Variants in PUM1 observed in about 807,000 individuals in gnomAD.
PUM1 encodes the protein pumilio homolog 1.
A neutral mutation model predicts 131.8 loss-of-function variants in PUM1; 13 were observed. The observed-to-expected ratio is 0.10, with a 90% CI of 0.06 to 0.16. The LOEUF is 0.16. Ranked by LOEUF, PUM1 falls within the 10% of genes least tolerant of loss-of-function variation. The pLI is 1.00. For synonymous variants in PUM1, 509 were observed against 556.5 expected (o/e 0.91, Z 1.20); for missense variants, 961 against 1,512.4 (o/e 0.64, Z 6.05).
intron 1 of PUM1, among the ~76,000 whole-genome samples, chr1:31,059,850 C>CT (rs879611773): frequency 4.9e-4 from 69 of 141,982 alleles, no homozygotes; most frequent in South Asian, 1.1e-3. Context: ...TGAACAAAAG[C>CT]TTTTTTTTTT....
chr1:31,059,339 C>G lies in PUM1; in HGVS notation c.228G>C (p.Gln76His). 6.2e-7 allele frequency: 1 copy of G among 1,614,170 alleles called. No individual in the cohort carries two copies. Among genetic ancestry groups the G allele is most frequent in the South Asian group, 1.1e-5 (1 of 91,084 alleles). Residue 76 changes from glutamine to histidine, a missense_variant, in exon 2 of 22, where the codon CAG (glutamine) becomes CAC (histidine). This residue lies in a region of PUM1 where 654 missense variants were observed against 923.9 expected (regional missense o/e 0.71). Coordinates refer to ENST00000426105, the MANE Select transcript of PUM1 (RefSeq NM_001020658.2). ...AGAAGTAGTCCACCATAGCGTCGTC[C>G]TGGGAACGGCCTGCAACTCCTATAG... ...PGSIGVAGRS[Q>H]DDAMVDYFFQ... is the part of the protein sequence containing the mutation.
chr1:31,019,303 C>G (rs4642942), intron 3 of PUM1, among the ~76,000 whole-genome samples: 103,048 of 152,180 alleles, frequency 0.68, 36,432 homozygotes, highest in East Asian at 0.87. Context: ...AGTGAGCCAA[C>G]ATAGTGCCGC....
At chr1:30,968,116 C>T (rs776727881) in intron 11 of PUM1, 20 of 685,640 alleles carry the variant, frequency 2.9e-5, no homozygotes, top group Middle Eastern at 5.0e-4. Context: ...GGAAAAACCA[C>T]ATATTCCAAG....
At position 31,005,791 on chromosome 1, in the gene PUM1, A is replaced by AAGAGAGAGAGAGAGAG. The variant is rs57530886; in HGVS notation, c.720+46_720+61dup. On this transcript the variant is annotated intron_variant, in intron 5 of 21. Coordinates refer to ENST00000426105, the MANE Select transcript of PUM1 (RefSeq NM_001020658.2). ...GGCATGTTTTGCTTTAGGGGAAAAA[A>AAGAGAGAGAGAGAGAG]AGAGAGAGAGAGAGAGAGAGAGAGA... 3.0e-6 allele frequency: 4 copies of AAGAGAGAGAGAGAGAG among 1,314,068 alleles called. No individual in the cohort carries two copies. In the African/African-American group the frequency reaches 6.0e-5, roughly 20 times the overall value. 81.4% of individuals were successfully genotyped at this position (1,314,068 alleles called of 1,614,324 possible).
At chr1:30,943,037 T>A (rs998703956) in intron 18 of PUM1, among the ~76,000 whole-genome samples, 52 of 152,196 alleles carry the variant, frequency 3.4e-4, no homozygotes, top group African/African-American at 1.2e-3. Flanking sequence ...ATTACAGGTG[T>A]GAGCCACTGC....
At chr1:31,042,536 A>G (rs1429213637) in intron 2 of PUM1, among the ~76,000 whole-genome samples, 2 of 152,232 alleles carry the variant, frequency 1.3e-5, no homozygotes, top group African/African-American at 2.4e-5. Flanking sequence ...CTCCACTGGA[A>G]ATGTGTAAAC....
At chr1:31,029,870 C>T (rs955093649) in intron 2 of PUM1, among the ~76,000 whole-genome samples, 3 of 147,200 alleles carry the variant, frequency 2.0e-5, no homozygotes, top group African/African-American at 7.6e-5. Flanking sequence ...GCCGTGATCG[C>T]ACCACTGGAC....
chr1:31,064,935 CT>C (rs1279906281), intron 1 of PUM1, among the ~76,000 whole-genome samples: 1 of 152,070 alleles, frequency 6.6e-6, no homozygotes. Flanking sequence ...GGGTGAACCC[CT>C]CTTTGAGTGA....
chr1:31,062,159 C>A (rs762501405), intron 1 of PUM1, among the ~76,000 whole-genome samples: 2 of 152,210 alleles, frequency 1.3e-5, no homozygotes. Flanking sequence ...TTTCTACTAA[C>A]CCCTTGCAGG....
In PUM1 at chr1:30,961,772, A is replaced by G. The variant is rs536595654; in HGVS notation, c.2323+2902T>C. On this transcript the variant is annotated intron_variant, in intron 14 of 21. Transcript: ENST00000426105. ...TATAGGCTGATGTGCGCATTCAAAC[A>G]CTAGTTTTGTGGTCGATATCATTAG... Among the ~76,000 whole-genome samples the G allele has an allele frequency of 1.4e-4, 22 of 152,216 alleles. No individual in the cohort carries two copies. The South Asian group carries it at 4.4e-3, about 30-fold the overall frequency.
chr1:31,019,725 T>C (rs1449280535), intron 3 of PUM1, among the ~76,000 whole-genome samples: 1 of 152,208 alleles, frequency 6.6e-6, no homozygotes, highest in East Asian at 1.9e-4. Flanking sequence ...GAAACTTCTC[T>C]TCTCTACTGT....
intron 1 of PUM1, chr1:31,061,625 T>G (rs1009267185): frequency 6.6e-6 from 1 of 151,206 alleles, no homozygotes; most frequent in Non-Finnish European, 1.5e-5. Flanking sequence ...TAAAATAATT[T>G]TTTTAAATTA....
At chr1:31,001,022 T>C (rs1034152955) in intron 5 of PUM1, among the ~76,000 whole-genome samples, 1 of 151,802 alleles carries the variant, frequency 6.6e-6, no homozygotes, top group African/African-American at 2.4e-5. Flanking sequence ...CCATCTCTAC[T>C]AAAAATACAG....
chr1:30,987,504 T>C (rs1334729423), intron 7 of PUM1, among the ~76,000 whole-genome samples: 2 of 152,118 alleles, frequency 1.3e-5, no homozygotes, highest in Non-Finnish European at 2.9e-5. Context: ...CAAAACCTAG[T>C]AATAATTTTC....
At chr1:31,063,519 A>G (rs1644412218) in intron 1 of PUM1, among the ~76,000 whole-genome samples, 1 of 152,210 alleles carries the variant, frequency 6.6e-6, no homozygotes, top group South Asian at 2.1e-4. Flanking sequence ...AGGACAATGT[A>G]CGTTATTCCA....
At chr1:31,016,196 G>C (rs1016567688) in intron 3 of PUM1, among the ~76,000 whole-genome samples, 1 of 152,124 alleles carries the variant, frequency 6.6e-6, no homozygotes, top group African/African-American at 2.4e-5. Context: ...TTTCCAGATT[G>C]GGCTGTTCAG....
chr1:30,933,439 T>TACACACAC (rs58664754), intron 21 of PUM1, 97 bp from the exon 22 acceptor site: 5,633 of 363,318 alleles, frequency 0.016, 102 homozygotes, highest in East Asian at 0.026. Context: ...CACACACACA[T>TACACACAC]ACACACACAC....
rs560648926 is a variant in PUM1, at chr1:30,992,403, T to G, written c.1145A>C (p.Asn382Thr). 5 of 1,613,936 alleles carry G rather than the reference T, an allele frequency of 3.1e-6. No individual in the cohort carries two copies. The highest frequency in any genetic ancestry group is 4.2e-6 in the Non-Finnish European group (5 of 1,179,952). Residue 382 changes from asparagine to threonine, a missense_variant, in exon 7 of 22, where the codon AAT (asparagine) becomes ACT (threonine). Asn to Thr is a moderately conservative substitution (Grantham distance 65). Transcript: ENST00000426105. The stretch of plus-strand genomic sequence containing the variant: ...CACACACAGTACCTGTTGTTGAGAA[T>G]TGTAGTCAAAAAGTCCCACAGTTGC... ...AAATVGLFDYNSQQQLFQRPN... is the reference protein window; with the variant it reads ...AAATVGLFDYTSQQQLFQRPN...
chr1:31,065,487 C>A lies in PUM1; in HGVS notation c.-12+129G>T, dbSNP rs930492471. 4.4e-6 allele frequency: 5 copies of A among 1,148,686 alleles called. No individual in the cohort carries two copies. In the African/African-American group the frequency reaches 8.1e-5, roughly 19 times the overall value. 71.2% of individuals were successfully genotyped at this position (1,148,686 alleles called of 1,614,324 possible). On this transcript the variant is annotated intron_variant, in intron 1 of 21. Coordinates refer to ENST00000426105, the MANE Select transcript of PUM1 (RefSeq NM_001020658.2). ...GGAACAGCGAGTGAGAAGCCTCAGC[C>A]AGGGCCCCGGCGGCTTTTCCAAAGC...
Sources: gnomAD v4.1 joint callset for allele counts (sites outside exome capture counted in the v4.1 genomes callset) on GRCh38, gnomAD v4.1.1 for gene constraint, gnomAD v4.1.1 regional missense constraint, MANE v1.5 for transcripts, NCBI Gene and HGNC (gene_info 2026-07-23, HGNC 2026-07-21) for gene names.